AP4S1: variants seen among roughly 807,000 people sequenced by gnomAD.
AP4S1 encodes the protein adaptor related protein complex 4 subunit sigma 1.
Under a neutral mutation model 19.8 loss-of-function variants are expected in AP4S1, and 23 were observed. The observed-to-expected ratio is 1.16, with a 90% CI of 0.84 to 1.65. AP4S1 has a LOEUF of 1.65. Ranked by LOEUF, AP4S1 falls within the 40% of genes most tolerant of loss-of-function variation. AP4S1 has a pLI of 0.00. For missense variants in AP4S1, 166 were observed against 172.8 expected (o/e 0.96, Z 0.22); for synonymous variants, 46 against 54.1 (o/e 0.85, Z 0.66).
Position 31,045,071 on chromosome 14 carries a change from T to C in AP4S1, c.-72+19284T>C, listed in dbSNP as rs1048115418. Among the ~76,000 whole-genome samples, 9 of 151,794 alleles carry C rather than the reference T, an allele frequency of 5.9e-5. No homozygotes were observed. In the South Asian group the frequency reaches 1.9e-3, roughly 32 times the overall value. On this transcript the variant is annotated intron_variant, in intron 1 of 5. Coordinates refer to ENST00000542754, the MANE Select transcript of AP4S1 (RefSeq NM_001128126.3). ...AGTCCGCCACTACACCCGGCTAATT[T>C]TTGTATTTTTAGTAGAGACGGGGTT... is the stretch of plus-strand genomic sequence containing the variant.
In AP4S1 at chr14:31,066,140, C is replaced by T. The variant is rs528746445; in HGVS notation, c.-57C>T. The T allele has an allele frequency of 6.1e-4, 956 of 1,569,300 alleles. No individual in the cohort carries two copies. Among genetic ancestry groups the T allele is most frequent in the Non-Finnish European group, 7.5e-4 (855 of 1,141,714 alleles). On this transcript the variant is annotated 5_prime_UTR_variant, in exon 2 of 6. Coordinates refer to ENST00000542754, the MANE Select transcript of AP4S1 (RefSeq NM_001128126.3). ...TTGTCTTCAAGGTTCCAGTTACAGC[C>T]ATCCCTTGTCATAACTTTTGAACTG...
chr14:31,063,755 A>C (rs1215912608), intron 1 of AP4S1, among the ~76,000 whole-genome samples: 1 of 152,144 alleles, frequency 6.6e-6, no homozygotes, highest in Non-Finnish European at 1.5e-5. Context: ...GAATCGATGA[A>C]CTCTAAATAA....
intron 1 of AP4S1, among the ~76,000 whole-genome samples, chr14:31,049,474 TACAC>T (rs1165169644): frequency 0.025 from 1,417 of 56,916 alleles, 59 homozygotes; most frequent in African/African-American, 0.076. Flanking sequence ...TATATATATG[TACAC>T]ACACACACAC....
At chr14:31,063,707 GGAT>G (rs1395901166) in intron 1 of AP4S1, among the ~76,000 whole-genome samples, 3 of 152,116 alleles carry the variant, frequency 2.0e-5, no homozygotes, top group African/African-American at 7.2e-5. Context: ...ATAGTATCCT[GGAT>G]GGGATTCAGG....
rs756324132 is a variant in AP4S1, at chr14:31,066,327, A to T, written c.131A>T (p.Asn44Ile). The T allele has an allele frequency of 6.2e-7, 1 of 1,613,990 alleles. No individual in the cohort carries two copies. Among genetic ancestry groups the T allele is most frequent in the Non-Finnish European group, 8.5e-7 (1 of 1,179,944 alleles). The change falls in exon 2 of 6, where the codon AAT (asparagine) becomes ATT (isoleucine). Residue 44 changes from asparagine to isoleucine, a missense_variant. Transcript: ENST00000542754. ...EVIKSCLSRSNEQCSFIEYKD... is the reference protein window; with the variant it reads ...EVIKSCLSRSIEQCSFIEYKD... The stretch of plus-strand genomic sequence containing the variant: ...ATAAAGAGCTGTCTCTCTCGATCCA[A>T]TGAACAAGTAAGTCTCTGGTTCTCT...
chr14:31,059,080 C>T (rs1886290235), intron 1 of AP4S1, among the ~76,000 whole-genome samples: 1 of 152,116 alleles, frequency 6.6e-6, no homozygotes, highest in Non-Finnish European at 1.5e-5. Context: ...GTACTTGTCT[C>T]TTGAGTCTCC....
chr14:31,053,589 C>CTTTTTTTTTTTTTTTTTTTTTT (rs758966011), intron 1 of AP4S1, among the ~76,000 whole-genome samples: 4 of 71,112 alleles, frequency 5.6e-5, no homozygotes, highest in African/African-American at 5.8e-5. Context: ...TGACTTTTTT[C>CTTTTTTTTTTTTTTTTTTTTTT]TTTTTTTTTT....
rs1367844296 is a variant in AP4S1, at chr14:31,094,034, C to T, written c.*999C>T. 1 of 151,874 alleles carries T rather than the reference C, an allele frequency of 6.6e-6. No homozygotes were observed. Among genetic ancestry groups the T allele is most frequent in the Non-Finnish European group, 1.5e-5 (1 of 68,100 alleles). The allele number at this position is 151,874 out of a possible 1,614,324, so 9.4% of individuals were successfully genotyped here. Reference sequence around the variant, plus strand: ...CTGCCCGGTTTTATGTAAAGCCCAGCTAATTTTTGTATTTTTAGTAGAGAT... The same window carrying T: ...CTGCCCGGTTTTATGTAAAGCCCAGTTAATTTTTGTATTTTTAGTAGAGAT... On this transcript the variant is annotated 3_prime_UTR_variant, in exon 6 of 6. Coordinates refer to ENST00000542754, the MANE Select transcript of AP4S1 (RefSeq NM_001128126.3).
Position 31,092,947 on chromosome 14 carries a change from A to G in AP4S1, c.347A>G (p.Glu116Gly). ...NLDKVHIILDEMVLNGCIVET... is the reference protein window; with the variant it reads ...NLDKVHIILDGMVLNGCIVET... The stretch of plus-strand genomic sequence containing the variant: ...GATAAAGTACACATCATTTTGGATG[A>G]GATGGTGTTAAATGGCTGCATTGTG... Residue 116 changes from glutamate (E) to glycine (G), a missense_variant, in exon 6 of 6, where the codon GAG (glutamate) becomes GGG (glycine). Coordinates refer to ENST00000542754, the MANE Select transcript of AP4S1 (RefSeq NM_001128126.3). 1 of 1,546,316 alleles carries G rather than the reference A, an allele frequency of 6.5e-7. No individual in the cohort carries two copies. Among genetic ancestry groups the G allele is most frequent in the Non-Finnish European group, 8.7e-7 (1 of 1,143,794 alleles).
chr14:31,064,243 G>A (rs887336574), intron 1 of AP4S1, among the ~76,000 whole-genome samples: 1 of 151,998 alleles, frequency 6.6e-6, no homozygotes, highest in African/African-American at 2.4e-5. Flanking sequence ...GTGACTTTGG[G>A]TATCTTCTTT....
At chr14:31,056,010 A>AT (rs1283672574) in intron 1 of AP4S1, among the ~76,000 whole-genome samples, 1 of 151,292 alleles carries the variant, frequency 6.6e-6, no homozygotes, top group African/African-American at 2.4e-5. Context: ...TGCCAGGCTA[A>AT]TTTTTTTTAT....
Position 31,093,041 on chromosome 14 carries a change from A to G in AP4S1, c.*6A>G. On this transcript the variant is annotated 3_prime_UTR_variant, in exon 6 of 6. Transcript: ENST00000542754. ...ATAAGATGTCAGAAAGCTGAAAGGA[A>G]GTCTCTTCGAGACAATATGGATTTA... 6.5e-7 allele frequency: 1 copy of G among 1,547,760 alleles called. No homozygotes were observed. The highest frequency in any genetic ancestry group is 8.7e-7 in the Non-Finnish European group (1 of 1,146,338).
At chr14:31,091,442 C>T (rs1285975968) in intron 5 of AP4S1, among the ~76,000 whole-genome samples, 7 of 151,976 alleles carry the variant, frequency 4.6e-5, no homozygotes, top group African/African-American at 1.7e-4. Flanking sequence ...AAGGGCCTAA[C>T]ATTCCAGTCC....
chr14:31,039,777 G>A (rs568142459), intron 1 of AP4S1, among the ~76,000 whole-genome samples: 21 of 151,436 alleles, frequency 1.4e-4, no homozygotes, highest in Non-Finnish European at 2.5e-4. Flanking sequence ...TTTTAGTAGA[G>A]ACGGGGTTTC....
At chr14:31,044,103 T>C (rs1885259996) in intron 1 of AP4S1, among the ~76,000 whole-genome samples, 1 of 152,170 alleles carries the variant, frequency 6.6e-6, no homozygotes, top group Non-Finnish European at 1.5e-5. Flanking sequence ...ACTGTAAGTA[T>C]GTATGTATGT....
At position 31,051,654 on chromosome 14, in the gene AP4S1, G is replaced by A. The variant is rs369309627; in HGVS notation, c.-71-14472G>A. Among the ~76,000 whole-genome samples the A allele has an allele frequency of 1.6e-3, 241 of 152,168 alleles. 4 individuals are homozygous for A. In the South Asian group the frequency reaches 0.038, roughly 24 times the overall value. The stretch of plus-strand genomic sequence containing the variant: ...TTCCCCATTCTTTTACAGAGTTTGC[G>A]TATTCAATTTATTTATTTATTTATG... On this transcript the variant is annotated intron_variant, in intron 1 of 5. Coordinates refer to ENST00000542754, the MANE Select transcript of AP4S1 (RefSeq NM_001128126.3).
intron 2 of AP4S1, among the ~76,000 whole-genome samples, chr14:31,067,275 G>GT (rs932173517): frequency 2.4e-4 from 36 of 149,398 alleles, no homozygotes; most frequent in South Asian, 4.3e-4. Flanking sequence ...TAATTTAATA[G>GT]TTTTTTTTTA....
chr14:31,064,780 C>A (rs1277906302), intron 1 of AP4S1, among the ~76,000 whole-genome samples: 1 of 152,116 alleles, frequency 6.6e-6, no homozygotes, highest in African/African-American at 2.4e-5. Flanking sequence ...TATAGTGAAA[C>A]CTCATCTCTA....
chr14:31,045,543 A>G (rs1256579202), intron 1 of AP4S1, among the ~76,000 whole-genome samples: 3 of 152,100 alleles, frequency 2.0e-5, no homozygotes, highest in Non-Finnish European at 2.9e-5. Flanking sequence ...GCCTTATGCC[A>G]TGATTGTAAG....
Sources: allele counts gnomAD v4.1 joint callset (sites outside exome capture counted in the v4.1 genomes callset), GRCh38; gene constraint gnomAD v4.1.1; transcripts MANE v1.5; gene names NCBI Gene and HGNC (gene_info 2026-07-23, HGNC 2026-07-21).